ADGRB1: variants seen among roughly 807,000 people sequenced by gnomAD.
ADGRB1 encodes the protein brain-specific angiogenesis inhibitor 1.
In ADGRB1, 36 loss-of-function variants were observed where a neutral mutation model predicts 175.7. The ratio of observed to expected loss-of-function variants is 0.20; its 90% CI spans 0.16 to 0.27. ADGRB1 has a LOEUF of 0.27. ADGRB1 is among the 10% of genes least tolerant of loss of function. The pLI is 1.00. For synonymous variants in ADGRB1, 1,054 were observed against 979.4 expected (o/e 1.08, Z -1.42); for missense variants, 1,731 against 2,255.3 (o/e 0.77, Z 4.71).
At chr8:142,539,797 C>T (rs1845157828) in intron 27 of ADGRB1, 1 of 305,808 alleles carries the variant, frequency 3.3e-6, no homozygotes, top group Non-Finnish European at 6.2e-6. Flanking sequence ...CCCCCTGCCT[C>T]CTGCCCACCG....
chr8:142,490,404 G>A (rs1347429472), intron 16 of ADGRB1, among the ~76,000 whole-genome samples: 1 of 152,200 alleles, frequency 6.6e-6, no homozygotes, highest in Non-Finnish European at 1.5e-5. Flanking sequence ...GCTTACAGAG[G>A]CCACTGTGTG....
At position 142,474,202 on chromosome 8, in the gene ADGRB1, C is replaced by T. The variant is rs1840809935; in HGVS notation, c.785-1272C>T. On this transcript the variant is annotated intron_variant, in intron 2 of 30. Coordinates refer to ENST00000517894, the MANE Select transcript of ADGRB1 (RefSeq NM_001702.3). This position sits in a 1 kb window ranked among gnomAD's most constrained non-coding sequence, Gnocchi z 5.8. ...CCCTTTCCTGAGGCTCCAAGAGGCC[C>T]TGGGGCCCTTCTGGTGGGTCGGGGT... Among the ~76,000 whole-genome samples, 1 of 152,132 alleles carries T rather than the reference C, an allele frequency of 6.6e-6. No individual in the cohort carries two copies. Among genetic ancestry groups the T allele is most frequent in the Non-Finnish European group, 1.5e-5 (1 of 68,002 alleles).
chr8:142,517,931 C>T (rs1301816829), intron 18 of ADGRB1, among the ~76,000 whole-genome samples: 1 of 151,980 alleles, frequency 6.6e-6, no homozygotes, highest in Admixed American at 6.6e-5. Flanking sequence ...CCTCACAGAG[C>T]ACAGCCCCGA....
intron 2 of ADGRB1, among the ~76,000 whole-genome samples, chr8:142,468,822 G>A (rs1039240193): frequency 1.3e-5 from 2 of 152,018 alleles, no homozygotes; most frequent in Non-Finnish European, 2.9e-5. Context: ...CTGCACACAT[G>A]TGTCACCTCT....
chr8:142,476,725 C>T, intron 4 of ADGRB1, 30 bp downstream of exon 4: 1 of 1,519,642 alleles, frequency 6.6e-7, no homozygotes, highest in Non-Finnish European at 8.9e-7. Context: ...GTGGGTGGGA[C>T]TAGGGCTTTG....
Position 142,501,376 on chromosome 8 carries a change from G to T in ADGRB1, c.2676-9556G>T, listed in dbSNP as rs368127287. Among the ~76,000 whole-genome samples the T allele has an allele frequency of 1.1e-3, 163 of 151,254 alleles. 2 individuals carry two copies. The highest frequency in any genetic ancestry group is 8.4e-4 in the South Asian group (4 of 4,766). ...CATAGTGATGGTGGTGGTAGTGATG[G>T]TTGTGTGGTTTTGATGATGGAGGTG... On this transcript the variant is annotated intron_variant, in intron 17 of 30. Coordinates refer to ENST00000517894, the MANE Select transcript of ADGRB1 (RefSeq NM_001702.3).
chr8:142,481,870 A>T (rs1013453173), intron 11 of ADGRB1, among the ~76,000 whole-genome samples, 159 bp downstream of exon 11: 9 of 152,212 alleles, frequency 5.9e-5, no homozygotes, highest in Non-Finnish European at 1.5e-5. Flanking sequence ...AATCTTGGTC[A>T]CACATTGAGC....
intron 11 of ADGRB1, among the ~76,000 whole-genome samples, chr8:142,483,565 GCCCTGGCCCTGGTCACA>G (rs1841494946): frequency 7.1e-6 from 1 of 141,432 alleles, no homozygotes; most frequent in Admixed American, 7.2e-5. Flanking sequence ...CACACACTGA[GCCCTGGCCCTGGTCACA>G]CCCTGAGCCC....
At chr8:142,524,206 C>G (rs769071583) in intron 22 of ADGRB1, 32 bp from the exon 23 acceptor site, 7 of 1,586,784 alleles carry the variant, frequency 4.4e-6, no homozygotes, top group Admixed American at 3.4e-5. Context: ...CCTCTGCACA[C>G]GGGCGGTGCT....
chr8:142,542,236 C>A lies in ADGRB1; in HGVS notation c.4002C>A (p.Ser1334Arg). The A allele has an allele frequency of 6.2e-7, 1 of 1,613,616 alleles. No individual in the cohort carries two copies. The highest frequency in any genetic ancestry group is 8.5e-7 in the Non-Finnish European group (1 of 1,179,854). Residue 1334 changes from serine (S) to arginine (R), a missense_variant, in exon 28 of 31, where the codon AGC becomes AGA. This residue lies in a region of ADGRB1 where 394 missense variants were observed against 410.2 expected (regional missense o/e 0.96). Transcript: ENST00000517894. The surrounding 1 kb of genome is among the most constrained non-coding windows in gnomAD (Gnocchi z 6.3). ...TCAAGAAGCTGGACTCGGAGCTGAG[C>A]CGGGCCCAGGAGAAGGCTCTGGACA... is the stretch of plus-strand genomic sequence containing the variant. ...DIFKKLDSELSRAQEKALDTS... is the reference protein window; with the variant it reads ...DIFKKLDSELRRAQEKALDTS...
chr8:142,531,488 A>G (rs1030266408), intron 24 of ADGRB1, among the ~76,000 whole-genome samples: 1 of 152,210 alleles, frequency 6.6e-6, no homozygotes, highest in African/African-American at 2.4e-5. Context: ...CTCCAGGGCC[A>G]GGGGAAGGGC....
intron 9 of ADGRB1, 24 bp from the exon 10 acceptor site, chr8:142,481,230 C>T (rs1841318904): frequency 6.2e-7 from 1 of 1,609,198 alleles, no homozygotes; most frequent in Non-Finnish European, 8.5e-7. Context: ...GGGCATCCAC[C>T]TGAGAAGGGG....
chr8:142,454,503 A>G (rs979961538), intron 1 of ADGRB1, among the ~76,000 whole-genome samples: 10 of 152,280 alleles, frequency 6.6e-5, no homozygotes, highest in African/African-American at 2.4e-4. Context: ...GAGGGGAAGG[A>G]GCGGAGGTTC....
chr8:142,528,028 C>T (rs1844319698), intron 24 of ADGRB1, among the ~76,000 whole-genome samples: 1 of 152,210 alleles, frequency 6.6e-6, no homozygotes, highest in Non-Finnish European at 1.5e-5. Context: ...CGCACCCAGA[C>T]TCGCCTGTGT....
intron 1 of ADGRB1, among the ~76,000 whole-genome samples, chr8:142,451,914 G>A (rs1441067361): frequency 6.6e-6 from 1 of 152,168 alleles, no homozygotes. Flanking sequence ...CTCTGCGCCC[G>A]CACGCCGGGG....
chr8:142,499,978 G>GC (rs11383699), intron 17 of ADGRB1, among the ~76,000 whole-genome samples: 151,964 of 151,964 alleles, frequency 1, 75,982 homozygotes, highest in Non-Finnish European at 1. Context: ...CACCCAGATG[G>GC]CCCTGGCAGC....
chr8:142,501,918 C>T (rs1171167781), intron 17 of ADGRB1, among the ~76,000 whole-genome samples: 7 of 10,912 alleles, frequency 6.4e-4, no homozygotes, highest in African/African-American at 1.7e-3. Context: ...ATGGTGGTGG[C>T]GGTGATGGCG....
intron 10 of ADGRB1, 44 bp from the exon 11 acceptor site, chr8:142,481,473 T>C: frequency 1.3e-6 from 2 of 1,577,404 alleles, no homozygotes; most frequent in South Asian, 1.1e-5. Flanking sequence ...TGCCTGGACA[T>C]GTTCCACAGA....
intron 2 of ADGRB1, among the ~76,000 whole-genome samples, chr8:142,472,834 A>G (rs1218711370): frequency 3.3e-5 from 5 of 151,976 alleles, no homozygotes; most frequent in Admixed American, 3.3e-4. Context: ...TCAGTGTGTG[A>G]CTAGAATCGA....
Sources: allele counts gnomAD v4.1 joint callset (sites outside exome capture counted in the v4.1 genomes callset), GRCh38; gene constraint gnomAD v4.1.1; regional missense constraint gnomAD v4.1.1; non-coding constraint Gnocchi (gnomAD v3.1); transcripts MANE v1.5; gene names NCBI Gene and HGNC (gene_info 2026-07-23, HGNC 2026-07-21).